CERS3: variants seen among roughly 807,000 people sequenced by gnomAD.
CERS3 encodes the protein LAG1 homolog, ceramide synthase 3.
In CERS3, 33 loss-of-function variants were observed where a neutral mutation model predicts 50.3. That is an observed-to-expected ratio of 0.66 (90% CI 0.50 to 0.88). The LOEUF is 0.88. Ranked by LOEUF, CERS3 falls within the 40% of genes least tolerant of loss-of-function variation. The pLI, the probability that CERS3 is intolerant of heterozygous loss-of-function variation, is 0.00. For synonymous variants in CERS3, 176 were observed against 155.2 expected (o/e 1.13, Z -0.99); for missense variants, 470 against 460.3 (o/e 1.02, Z -0.19).
At chr15:100,459,611 G>A (rs1403413191) in intron 10 of CERS3, among the ~76,000 whole-genome samples, 1 of 152,172 alleles carries the variant, frequency 6.6e-6, no homozygotes, top group Non-Finnish European at 1.5e-5. Context: ...ACATTTTGAT[G>A]TAATTGTTTG....
At chr15:100,507,258 C>T (rs1238771873) in intron 2 of CERS3, among the ~76,000 whole-genome samples, 1 of 152,176 alleles carries the variant, frequency 6.6e-6, no homozygotes, top group Non-Finnish European at 1.5e-5. Context: ...GAAGAAGTGT[C>T]TCTCCCAGAT....
intron 2 of CERS3, among the ~76,000 whole-genome samples, chr15:100,506,887 T>C (rs1008316982): frequency 2.6e-5 from 4 of 152,238 alleles, no homozygotes; most frequent in African/African-American, 9.6e-5. Context: ...TCTGTAAATA[T>C]ACTAAAAAAT....
chr15:100,412,344 C>A (rs572830263), intron 11 of CERS3, among the ~76,000 whole-genome samples: 1 of 152,204 alleles, frequency 6.6e-6, no homozygotes, highest in South Asian at 2.1e-4. Flanking sequence ...GGTCTTGGCA[C>A]CCTTATCAAA....
intron 11 of CERS3, among the ~76,000 whole-genome samples, chr15:100,451,835 A>C (rs973574568): frequency 6.6e-6 from 1 of 152,202 alleles, no homozygotes; most frequent in Non-Finnish European, 1.5e-5. Flanking sequence ...CTATACTTAT[A>C]TCAGATACAG....
chr15:100,407,182 T>C lies in CERS3; in HGVS notation c.1000-4317A>G, dbSNP rs867513727. ...AAATCAGAACAAAGAACCTAATTTC[T>C]CTCCAGAAAGGCATACCAGCATCTA... On this transcript the variant is annotated intron_variant, in intron 11 of 11. Transcript: ENST00000679737. Among the ~76,000 whole-genome samples the C allele has an allele frequency of 6.6e-5, 10 of 152,022 alleles. No individual in the cohort carries two copies. The South Asian group carries it at 1.9e-3, about 28-fold the overall frequency.
At chr15:100,475,336 G>T (rs1390299950) in intron 8 of CERS3, among the ~76,000 whole-genome samples, 2 of 152,062 alleles carry the variant, frequency 1.3e-5, no homozygotes, top group African/African-American at 4.8e-5. Context: ...AAGCTAAACT[G>T]GTTTATCTAA....
intron 11 of CERS3, among the ~76,000 whole-genome samples, chr15:100,452,004 A>G (rs946801405): frequency 1.3e-5 from 2 of 152,332 alleles, no homozygotes; most frequent in Admixed American, 1.3e-4. Flanking sequence ...AAAGAGAGAG[A>G]TGAAGTCCAA....
chr15:100,442,379 G>A (rs980456462), intron 11 of CERS3, among the ~76,000 whole-genome samples: 2 of 152,100 alleles, frequency 1.3e-5, no homozygotes, highest in Non-Finnish European at 1.5e-5. Flanking sequence ...AATTAACCTC[G>A]CCTTCAAGGT....
intron 11 of CERS3, among the ~76,000 whole-genome samples, chr15:100,412,320 A>T (rs757142085): frequency 6.6e-6 from 1 of 151,680 alleles, no homozygotes; most frequent in Non-Finnish European, 1.5e-5. Flanking sequence ...TGTCGAAAAG[A>T]CTCCCCATTG....
chr15:100,443,880 A>C lies in CERS3; in HGVS notation c.999+12013T>G, dbSNP rs531565138. Among the ~76,000 whole-genome samples the C allele has an allele frequency of 1.6e-4, 25 of 152,282 alleles. No individual in the cohort carries two copies. The South Asian group carries it at 1.7e-3, about 10-fold the overall frequency. On this transcript the variant is annotated intron_variant, in intron 11 of 11. Transcript: ENST00000679737. ...TACCTGGTTTTGCCATCCTAAAAAA[A>C]CCATTCTATAAACTCACAAAAGGAA...
chr15:100,474,497 C>G (rs989001280), intron 8 of CERS3, among the ~76,000 whole-genome samples: 14 of 152,052 alleles, frequency 9.2e-5, no homozygotes, highest in Admixed American at 2.6e-4. Flanking sequence ...CTCCACCTCT[C>G]AGGTTCAAGC....
At chr15:100,537,072 C>A (rs961661773) in intron 1 of CERS3, among the ~76,000 whole-genome samples, 3 of 152,212 alleles carry the variant, frequency 2.0e-5, no homozygotes, top group Non-Finnish European at 4.4e-5. Flanking sequence ...TATCCCATAT[C>A]CTACCCTGCC....
intron 4 of CERS3, among the ~76,000 whole-genome samples, chr15:100,488,088 A>G (rs1596747461): frequency 6.6e-6 from 1 of 152,194 alleles, no homozygotes; most frequent in Admixed American, 6.5e-5. Context: ...TACACACGTT[A>G]TCAGACACAC....
chr15:100,520,193 A>G (rs780768366), intron 2 of CERS3, among the ~76,000 whole-genome samples: 1 of 152,188 alleles, frequency 6.6e-6, no homozygotes, highest in Non-Finnish European at 1.5e-5. Context: ...GGGGAGGGGA[A>G]GGCAGGGGAC....
intron 11 of CERS3, among the ~76,000 whole-genome samples, chr15:100,417,193 G>A (rs990282435): frequency 6.6e-6 from 1 of 151,606 alleles, no homozygotes; most frequent in African/African-American, 2.4e-5. Context: ...ACTAGGGAGT[G>A]CCAGACAGTG....
At chr15:100,451,867 A>G (rs2034184160) in intron 11 of CERS3, among the ~76,000 whole-genome samples, 1 of 152,212 alleles carries the variant, frequency 6.6e-6, no homozygotes, top group Admixed American at 6.5e-5. Context: ...TTTAATTCAA[A>G]AAACAGTAAA....
intron 2 of CERS3, among the ~76,000 whole-genome samples, chr15:100,520,184 G>A (rs76803942): frequency 0.028 from 4,316 of 152,298 alleles, 130 homozygotes; most frequent in Admixed American, 0.091. Flanking sequence ...AGAAGACTTG[G>A]GGAGGGGAAG....
At chr15:100,504,664 T>C (rs1474472561) in intron 2 of CERS3, among the ~76,000 whole-genome samples, 1 of 152,200 alleles carries the variant, frequency 6.6e-6, no homozygotes, top group Non-Finnish European at 1.5e-5. Context: ...TTAGTGATAC[T>C]TCCTCTTGAT....
At chr15:100,482,194 T>G (rs2035324520) in intron 5 of CERS3, among the ~76,000 whole-genome samples, 1 of 152,216 alleles carries the variant, frequency 6.6e-6, no homozygotes, top group African/African-American at 2.4e-5. Context: ...TAGTTTCACC[T>G]AAGAGTAAAA....
Sources: gnomAD v4.1 joint callset for allele counts (sites outside exome capture counted in the v4.1 genomes callset) on GRCh38, gnomAD v4.1.1 for gene constraint, MANE v1.5 for transcripts, NCBI Gene and HGNC (gene_info 2026-07-23, HGNC 2026-07-21) for gene names.